The following MYO1F variants were observed in gnomAD, a reference collection of about 807,000 sequenced individuals.
MYO1F encodes the protein myosin IF.
In MYO1F, 60 loss-of-function variants were observed where a neutral mutation model predicts 146.6. That is an observed-to-expected ratio of 0.41 (90% CI 0.33 to 0.51). MYO1F has a LOEUF of 0.51. Among genes scored for constraint, MYO1F ranks in the 20% least tolerant of loss-of-function variants. The probability of loss-of-function intolerance (pLI) is 0.25; values close to 1 mark genes in which losing one functional copy is unlikely to be tolerated. For missense variants in MYO1F, 1,274 were observed against 1,534.3 expected, an observed-to-expected ratio of 0.83 and a Z score of 2.83; for synonymous variants, 602 against 602.1, an observed-to-expected ratio of 1.00 and a Z score of 0.00.
chr19:8,533,512 G>A (rs61430573), intron 19 of MYO1F, among the ~76,000 whole-genome samples: 1 of 151,828 alleles, frequency 6.6e-6, no homozygotes, highest in African/African-American at 2.4e-5. Context: ...CCGCCACCAT[G>A]CCTGGCTAAC....
intron 1 of MYO1F, among the ~76,000 whole-genome samples, chr19:8,561,394 CTTCCTT>C (rs1974105106): frequency 5.2e-5 from 5 of 95,610 alleles, no homozygotes; most frequent in African/African-American, 1.9e-4. Flanking sequence ...CCCTTCTTTC[CTTCCTT>C]CCTTTCTCCT....
intron 25 of MYO1F, 191 bp downstream of exon 25, chr19:8,525,288 G>C: frequency 3.4e-6 from 2 of 581,722 alleles, no homozygotes; most frequent in Non-Finnish European, 6.1e-6. Context: ...AGCTGGGTTT[G>C]GGTTTTGAAG....
chr19:8,563,787 C>T (rs896827446), intron 1 of MYO1F, among the ~76,000 whole-genome samples: 3 of 151,984 alleles, frequency 2.0e-5, no homozygotes, highest in African/African-American at 7.2e-5. Context: ...GCTGGGATTA[C>T]AGGGGTGAGC....
chr19:8,521,467 C>G lies in MYO1F; in HGVS notation c.*61G>C, dbSNP rs1362581750. The G allele has an allele frequency of 5.2e-6, 8 of 1,545,580 alleles. No individual in the cohort carries two copies. In the African/African-American group the frequency reaches 1.1e-4, roughly 21 times the overall value. ...AGGCTCTCATTGGCAGGGCCTGGCT[C>G]CCCACCAGGCCGGCAGGCAGATAGG... On this transcript the variant is annotated 3_prime_UTR_variant, in exon 28 of 28. Transcript: ENST00000644032.
chr19:8,569,554 G>A (rs7256500), intron 1 of MYO1F, among the ~76,000 whole-genome samples: 5,284 of 152,098 alleles, frequency 0.035, 203 homozygotes, highest in African/African-American at 0.1. Flanking sequence ...GTGCATGGAG[G>A]TAGGTGGAGA....
At position 8,522,703 on chromosome 19, in the gene MYO1F, C is replaced by T. The variant is rs764273527; in HGVS notation, c.2981G>A (p.Arg994Gln). The change falls in exon 26 of 28, where the codon CGA becomes CAA. Residue 994 changes from arginine (R) to glutamine (Q), a missense_variant. By Grantham distance (43) the Arg-to-Gln change is conservative (BLOSUM62 1). Around this residue, in one of 2 missense-constraint regions of MYO1F, gnomAD observed 374 missense variants for 379.2 expected, o/e 0.99. Transcript: ENST00000644032. The stretch of plus-strand genomic sequence containing the variant: ...CTCTGAGGGCGGACGTGCCCGGGGT[C>T]GTCTGCTGGCTCCCAGGGATGTGGA... ...PPSTSLGASRRPRARPPSEHN... is the reference protein window; with the variant it reads ...PPSTSLGASRQPRARPPSEHN... 26 of 1,613,730 alleles carry T rather than the reference C, an allele frequency of 1.6e-5. No individual in the cohort carries two copies. The highest frequency in any genetic ancestry group is 1.7e-4 in the Middle Eastern group (1 of 6,058).
At chr19:8,550,771 C>G in intron 8 of MYO1F, 77 bp from the exon 9 acceptor site, 1 of 1,600,568 alleles carries the variant, frequency 6.2e-7, no homozygotes, top group Non-Finnish European at 8.5e-7. Context: ...CTTGAGGGAC[C>G]ACAGCACGGA....
At chr19:8,547,123 C>A (rs1047797634) in intron 12 of MYO1F, among the ~76,000 whole-genome samples, 1 of 151,732 alleles carries the variant, frequency 6.6e-6, no homozygotes, top group Admixed American at 6.6e-5. Context: ...CAAAGTGAAA[C>A]ACCAACTCTA....
In MYO1F at chr19:8,554,672, G is replaced by C. The variant is rs569345387; in HGVS notation, c.213C>G (p.Ile71Met). ...KQMPYFTDRE[I>M]DLYQGAAQYE... ...GCCTCACCGCGCCCTGATAGAGGTC[G>C]ATCTCACGGTCGGTGAAGTAGGGCA... The change falls in exon 3 of 28, where the codon ATC becomes ATG. Residue 71 changes from isoleucine (I) to methionine (M), a missense_variant. By Grantham distance (10) the Ile-to-Met change is conservative. This residue lies in a region of MYO1F where 900 missense variants were observed against 1,155.1 expected (regional missense o/e 0.78). Coordinates refer to ENST00000644032, the MANE Select transcript of MYO1F (RefSeq NM_012335.4). The C allele has an allele frequency of 1.9e-6, 3 of 1,613,876 alleles. No individual in the cohort carries two copies. Among genetic ancestry groups the C allele is most frequent in the African/African-American group, 1.3e-5 (1 of 74,888 alleles).
chr19:8,541,840 G>A (rs1568346547), intron 15 of MYO1F, 66 bp downstream of exon 15: 2 of 1,444,500 alleles, frequency 1.4e-6, no homozygotes, highest in Non-Finnish European at 1.9e-6. Context: ...ATGGAGTGGG[G>A]CCCGGTCCTC....
At chr19:8,558,950 C>T (rs1490256958) in intron 1 of MYO1F, among the ~76,000 whole-genome samples, 1 of 152,086 alleles carries the variant, frequency 6.6e-6, no homozygotes, top group African/African-American at 2.4e-5. Flanking sequence ...GAGACCACGG[C>T]TCACTGCTAC....
In MYO1F at chr19:8,527,470, T is replaced by C; in HGVS notation, c.2342A>G (p.Asp781Gly). The C allele has an allele frequency of 1.9e-6, 3 of 1,613,980 alleles. No individual in the cohort carries two copies. The highest frequency in any genetic ancestry group is 2.2e-5 in the South Asian group (2 of 91,036). The change falls in exon 22 of 28, where the codon GAC becomes GGC. Residue 781 changes from aspartate to glycine, a missense_variant. Around this residue, in one of 2 missense-constraint regions of MYO1F, gnomAD observed 900 missense variants for 1,155.1 expected, o/e 0.78. Transcript: ENST00000644032. Reference protein sequence around the residue: ...YDRRFKPIKRDLILTPKCVYV... With the variant: ...YDRRFKPIKRGLILTPKCVYV... Reference sequence around the variant, plus strand: ...CACACACTTGGGCGTCAGGATCAAGTCCCGCTTGATGGGCTGTGGGGATGC... The same window carrying C: ...CACACACTTGGGCGTCAGGATCAAGCCCCGCTTGATGGGCTGTGGGGATGC...
intron 1 of MYO1F, among the ~76,000 whole-genome samples, chr19:8,562,241 C>T (rs10424530): frequency 0.51 from 76,823 of 151,278 alleles, 19,839 homozygotes; most frequent in African/African-American, 0.6. Flanking sequence ...GACCTCGTTA[C>T]CCGCCCGCCT....
At chr19:8,553,912 T>TCTCTCTCTCTCTCG (rs1973728504) in intron 4 of MYO1F, among the ~76,000 whole-genome samples, 1 of 132,678 alleles carries the variant, frequency 7.5e-6, no homozygotes, top group Non-Finnish European at 1.7e-5. Context: ...TCTCTCTCTC[T>TCTCTCTCTCTCTCG]CTCTCTCTCT....
chr19:8,526,521 A>G lies in MYO1F; in HGVS notation c.2702T>C (p.Leu901Ser), dbSNP rs1287961920. Residue 901 changes from leucine to serine, a missense_variant, in exon 24 of 28, where the codon TTG becomes TCG. Leu to Ser is a moderately radical substitution (Grantham distance 145). Transcript: ENST00000644032. ...SVTFSRGFGD[L>S]AVLKVGGRTL... ...CCGACCGCCAACCTTGAGCACTGCC[A>G]AGTCGCCGAAGCCGCGGGAGAAGGT... 9 of 1,585,572 alleles carry G rather than the reference A, an allele frequency of 5.7e-6. No individual in the cohort carries two copies. The highest frequency in any genetic ancestry group is 7.7e-6 in the Non-Finnish European group (9 of 1,167,614).
chr19:8,562,387 G>A (rs190618876), intron 1 of MYO1F, among the ~76,000 whole-genome samples: 6 of 151,898 alleles, frequency 4.0e-5, no homozygotes, highest in East Asian at 3.9e-4. Flanking sequence ...ACCTCACTGC[G>A]GCCTCGAACT....
intron 1 of MYO1F, among the ~76,000 whole-genome samples, chr19:8,575,078 CTTTTTT>C (rs576218913): frequency 3.7e-5 from 5 of 135,574 alleles, no homozygotes; most frequent in Admixed American, 2.3e-4. Flanking sequence ...TTTTCTTTTT[CTTTTTT>C]TTTTTTTTTT....
intron 1 of MYO1F, among the ~76,000 whole-genome samples, chr19:8,571,273 C>A (rs1235655779): frequency 6.6e-6 from 1 of 152,208 alleles, no homozygotes; most frequent in Non-Finnish European, 1.5e-5. Flanking sequence ...TGAGGGTGGC[C>A]CTGGAGCCTT....
chr19:8,530,144 G>A lies in MYO1F; in HGVS notation c.2328+52C>T, dbSNP rs1972420311. ...GGGCAGGTGCATCTGGGCCAGGTGA[G>A]GGTGCCAGGCTGTAGTCAGGGTCTT... is the stretch of plus-strand genomic sequence containing the variant. On this transcript the variant is annotated intron_variant, in intron 21 of 27. Transcript: ENST00000644032. This position sits in a 1 kb window ranked among gnomAD's most constrained non-coding sequence, Gnocchi z 5.8. The A allele has an allele frequency of 6.2e-7, 1 of 1,611,226 alleles. No homozygotes were observed. Among genetic ancestry groups the A allele is most frequent in the African/African-American group, 1.3e-5 (1 of 74,842 alleles).
Sources: allele counts gnomAD v4.1 joint callset (sites outside exome capture counted in the v4.1 genomes callset), GRCh38; gene constraint gnomAD v4.1.1; regional missense constraint gnomAD v4.1.1; non-coding constraint Gnocchi (gnomAD v3.1); transcripts MANE v1.5; gene names NCBI Gene and HGNC (gene_info 2026-07-23, HGNC 2026-07-21).